The following KDM5B variants were observed in gnomAD, a reference collection of about 807,000 sequenced individuals.
KDM5B encodes the protein lysine demethylase 5B.
KDM5B carries 144 observed loss-of-function variants against 193.4 expected under a neutral mutation model. The observed-to-expected ratio is 0.74, with a 90% CI of 0.65 to 0.86. The LOEUF (loss-of-function observed/expected upper bound fraction) is 0.86, where lower values mean the gene tolerates loss of function less well. Ranked by LOEUF, KDM5B falls within the 40% of genes least tolerant of loss-of-function variation. The pLI is 0.00. For missense variants in KDM5B, 1,833 were observed against 1,886.9 expected (o/e 0.97, Z 0.53); for synonymous variants, 668 against 682.6 (o/e 0.98, Z 0.33).
rs987694205 is a variant in KDM5B, at chr1:202,726,228, G to A, written c.*2808C>T. ...AGCTCTTCACTGGAGAATGAAGCAG[G>A]GAAATTCAGGTTTTTAACAACCTCC... On this transcript the variant is annotated 3_prime_UTR_variant, in exon 27 of 27. Coordinates refer to ENST00000367265, the MANE Select transcript of KDM5B (RefSeq NM_006618.5). 2 of 152,106 alleles carry A rather than the reference G, an allele frequency of 1.3e-5. No individual in the cohort carries two copies. The highest frequency in any genetic ancestry group is 1.9e-4 in the East Asian group (1 of 5,188). 9.4% of individuals were successfully genotyped at this position (152,106 alleles called of 1,614,324 possible). A position where few individuals can be genotyped will look rare whatever the true frequency, so the allele number is the denominator to read the frequency against.
intron 1 of KDM5B, among the ~76,000 whole-genome samples, chr1:202,794,082 C>T (rs964982420): frequency 6.6e-6 from 1 of 152,174 alleles, no homozygotes; most frequent in African/African-American, 2.4e-5. Flanking sequence ...TCAAATTTCA[C>T]TGTATAAACT....
rs1655083468 is a variant in KDM5B at position 202,736,110 on chromosome 1, G to A, written c.3264+103C>T. Reference sequence around the variant, plus strand: ...GGCTTTACGGGAAGAACAACTCACAGAATATAGATTAATCTGTGATGTCAT... The same window carrying A: ...GGCTTTACGGGAAGAACAACTCACAAAATATAGATTAATCTGTGATGTCAT... On this transcript the variant is annotated intron_variant, in intron 21 of 26. Coordinates refer to ENST00000367265, the MANE Select transcript of KDM5B (RefSeq NM_006618.5). The A allele has an allele frequency of 1.1e-5, 9 of 839,592 alleles. No homozygotes were observed. In the South Asian group the frequency reaches 1.7e-4, roughly 16 times the overall value. The allele number at this position is 839,592 out of a possible 1,614,324, so 52.0% of individuals were successfully genotyped here. A position where few individuals can be genotyped will look rare whatever the true frequency, so the allele number is the denominator to read the frequency against.
intron 18 of KDM5B, 138 bp from the exon 19 acceptor site, chr1:202,741,860 T>G (rs1655356902): frequency 1.6e-6 from 1 of 607,646 alleles, no homozygotes; most frequent in Admixed American, 3.0e-5. Flanking sequence ...AGATAACACA[T>G]AAGCCAACTA....
Position 202,745,981 on chromosome 1 carries a change from A to G in KDM5B, c.2200T>C (p.Tyr734His). The change falls in exon 16 of 27, where the codon TAT becomes CAT. Residue 734 changes from tyrosine to histidine, a missense_variant and splice_region_variant. Tyr to His is a moderately conservative substitution (Grantham distance 83). Coordinates refer to ENST00000367265, the MANE Select transcript of KDM5B (RefSeq NM_006618.5). Reference sequence around the variant, plus strand: ...TAGAGATCATCCAGCGTGTACCTATACCTGGAAATAATACCACCACACTTA... The same window carrying G: ...TAGAGATCATCCAGCGTGTACCTATGCCTGGAAATAATACCACCACACTTA... ...SCPPYKYKLR[Y>H]RYTLDDLYPM... 2 of 1,613,866 alleles carry G rather than the reference A, an allele frequency of 1.2e-6. No homozygotes were observed. The highest frequency in any genetic ancestry group is 1.7e-6 in the Non-Finnish European group (2 of 1,179,800).
intron 1 of KDM5B, among the ~76,000 whole-genome samples, chr1:202,805,633 T>A (rs939622331): frequency 6.6e-6 from 1 of 152,198 alleles, no homozygotes; most frequent in Non-Finnish European, 1.5e-5. Context: ...TATATCACCA[T>A]GGAAAATATT....
At chr1:202,763,626 T>C (rs1031027378) in intron 6 of KDM5B, among the ~76,000 whole-genome samples, 1 of 152,218 alleles carries the variant, frequency 6.6e-6, no homozygotes, top group Non-Finnish European at 1.5e-5. Context: ...CATCAAGTGA[T>C]ACCCAGGCAA....
At chr1:202,767,220 G>T in intron 4 of KDM5B, 160 bp from the exon 5 acceptor site, 1 of 1,573,448 alleles carries the variant, frequency 6.4e-7, no homozygotes, top group South Asian at 1.1e-5. Flanking sequence ...TGGAGGAACT[G>T]AAACACCCTT....
chr1:202,756,814 G>C (rs1572731713), intron 9 of KDM5B, among the ~76,000 whole-genome samples: 1 of 152,308 alleles, frequency 6.6e-6, no homozygotes, highest in Middle Eastern at 3.4e-3. Context: ...GGTTAGTTGT[G>C]TCTGAATGAC....
At chr1:202,801,364 AAGGACT>A (rs1658066179) in intron 1 of KDM5B, among the ~76,000 whole-genome samples, 1 of 152,174 alleles carries the variant, frequency 6.6e-6, no homozygotes, top group South Asian at 2.1e-4. Context: ...TCTACAGTTA[AAGGACT>A]GAGTGTCTTA....
intron 24 of KDM5B, among the ~76,000 whole-genome samples, 156 bp from the exon 25 acceptor site, chr1:202,731,219 G>A (rs1204112204): frequency 6.6e-6 from 1 of 152,196 alleles, no homozygotes; most frequent in Non-Finnish European, 1.5e-5. Context: ...GAGGTTTAAT[G>A]TGCCTAAAGC....
At position 202,742,905 on chromosome 1, in the gene KDM5B, A is replaced by T. The variant is rs957076810; in HGVS notation, c.2324-100T>A. On this transcript the variant is annotated intron_variant, in intron 16 of 26. Transcript: ENST00000367265. ...CTGGTTTTGTCAGTTCTTGTCTAGA[A>T]ATGTAACTTACAAATGTTTGCAATG... The T allele has an allele frequency of 3.1e-6, 3 of 955,946 alleles. No individual in the cohort carries two copies. In the South Asian group the frequency reaches 5.0e-5, roughly 16 times the overall value. 59.2% of individuals were successfully genotyped at this position (955,946 alleles called of 1,614,324 possible).
chr1:202,765,096 A>G (rs1656395701), intron 5 of KDM5B, among the ~76,000 whole-genome samples: 1 of 152,236 alleles, frequency 6.6e-6, no homozygotes, highest in South Asian at 2.1e-4. Context: ...AATAAGCCAA[A>G]TCCTAAGTAG....
intron 4 of KDM5B, among the ~76,000 whole-genome samples, chr1:202,772,806 C>T (rs1656774615): frequency 1.3e-5 from 2 of 152,022 alleles, no homozygotes. Context: ...AAGCGGTTCT[C>T]CTGCCTCAGC....
intron 1 of KDM5B, among the ~76,000 whole-genome samples, chr1:202,777,986 C>T (rs1572757631): frequency 1.3e-5 from 2 of 152,022 alleles, no homozygotes; most frequent in Non-Finnish European, 2.9e-5. Context: ...ACCAGCCTGA[C>T]CAACATGGTG....
At chr1:202,777,287 AATGAT>A (rs1427144116) in intron 1 of KDM5B, among the ~76,000 whole-genome samples, 193 bp from the exon 2 acceptor site, 1 of 151,780 alleles carries the variant, frequency 6.6e-6, no homozygotes, top group Non-Finnish European at 1.5e-5. Flanking sequence ...TTCCCAAATA[AATGAT>A]ATATCACATA....
intron 1 of KDM5B, among the ~76,000 whole-genome samples, chr1:202,793,533 AT>A (rs919383037): frequency 1.3e-5 from 2 of 152,322 alleles, no homozygotes; most frequent in Admixed American, 1.3e-4. Context: ...AGATAGGTTA[AT>A]AGAATAAAGC....
chr1:202,755,936 T>C (rs923658780), intron 10 of KDM5B, among the ~76,000 whole-genome samples: 2 of 151,096 alleles, frequency 1.3e-5, no homozygotes, highest in African/African-American at 4.9e-5. Flanking sequence ...CATATAACTA[T>C]GTACTTTTCT....
intron 20 of KDM5B, among the ~76,000 whole-genome samples, chr1:202,738,961 G>A (rs879529550): frequency 3.3e-5 from 5 of 152,148 alleles, no homozygotes; most frequent in Non-Finnish European, 7.4e-5. Context: ...GGATACTTTG[G>A]ATAATTACTT....
At chr1:202,739,571 A>G (rs545386118) in intron 20 of KDM5B, among the ~76,000 whole-genome samples, 3 of 151,888 alleles carry the variant, frequency 2.0e-5, no homozygotes, top group Non-Finnish European at 2.9e-5. Context: ...ACGTCAGCAG[A>G]TAAACAAGTG....
Sources: gnomAD v4.1 joint callset for allele counts (sites outside exome capture counted in the v4.1 genomes callset) on GRCh38, gnomAD v4.1.1 for gene constraint, MANE v1.5 for transcripts, NCBI Gene and HGNC (gene_info 2026-07-23, HGNC 2026-07-21) for gene names.